LRRC75A: variants seen among roughly 807,000 people sequenced by gnomAD.
The protein encoded by LRRC75A is leucine rich repeat containing 75A, also known as leucine-rich repeat-containing protein 75A.
Under a neutral mutation model 26.0 loss-of-function variants are expected in LRRC75A, and 12 were observed. That is an observed-to-expected ratio of 0.46 (90% CI 0.30 to 0.75). The LOEUF (loss-of-function observed/expected upper bound fraction) is 0.75, where lower values mean the gene tolerates loss of function less well. Ranked by LOEUF, LRRC75A falls within the 30% of genes least tolerant of loss-of-function variation. The pLI, the probability that LRRC75A is intolerant of heterozygous loss-of-function variation, is 0.08. For synonymous variants in LRRC75A, 223 were observed against 219.3 expected (o/e 1.02, Z -0.15); for missense variants, 410 against 486.6 (o/e 0.84, Z 1.48).
intron 1 of LRRC75A, among the ~76,000 whole-genome samples, chr17:16,485,609 G>A (rs2093844448): frequency 6.6e-6 from 1 of 150,906 alleles, no homozygotes. Context: ...GGCAAGAACA[G>A]CCAGGAGGAG....
chr17:16,458,539 C>T (rs1388278032), intron 2 of LRRC75A, among the ~76,000 whole-genome samples: 1 of 151,518 alleles, frequency 6.6e-6, no homozygotes, highest in Non-Finnish European at 1.5e-5. Flanking sequence ...GATCTCAGCT[C>T]ACGGCAACCT....
At chr17:16,472,608 C>T (rs1011488662) in intron 1 of LRRC75A, among the ~76,000 whole-genome samples, 3 of 152,144 alleles carry the variant, frequency 2.0e-5, no homozygotes, top group Non-Finnish European at 4.4e-5. Context: ...AGTGCTAATG[C>T]GCTGGGGCAT....
chr17:16,485,832 C>A (rs2093846020), intron 1 of LRRC75A, among the ~76,000 whole-genome samples: 1 of 152,104 alleles, frequency 6.6e-6, no homozygotes, highest in Non-Finnish European at 1.5e-5. Context: ...CCCTCTGCAT[C>A]CTGATGGAGG....
chr17:16,481,723 C>G (rs937216461), intron 1 of LRRC75A, among the ~76,000 whole-genome samples: 3 of 152,136 alleles, frequency 2.0e-5, no homozygotes, highest in African/African-American at 7.2e-5. Flanking sequence ...CCTGTCTGTG[C>G]TTGTCCTCAT....
Position 16,447,868 on chromosome 17 carries a change from C to G in LRRC75A, c.468G>C (p.Leu156=). 6.5e-7 allele frequency: 1 copy of G among 1,548,488 alleles called. No homozygotes were observed. Among genetic ancestry groups the G allele is most frequent in the Non-Finnish European group, 8.7e-7 (1 of 1,145,926 alleles). The change falls in exon 3 of 4, where the codon CTG becomes CTC. Residue 156 remains leucine, a synonymous_variant. Coordinates refer to ENST00000470794, the MANE Select transcript of LRRC75A (RefSeq NM_001113567.3). ...ACCAGGCCTGTGGCTTCCTTTTCAC[C>G]AGCCCCCGGTGCCGCCTCCACTGGG... ...PHSQWRRHRG[L]VKRKPQACLK...
chr17:16,459,023 A>G (rs777600808), intron 2 of LRRC75A, among the ~76,000 whole-genome samples: 21 of 152,200 alleles, frequency 1.4e-4, no homozygotes, highest in African/African-American at 5.1e-4. Context: ...CTGTGAAACA[A>G]CTTCCTACTA....
chr17:16,470,729 CCA>C, intron 1 of LRRC75A, among the ~76,000 whole-genome samples: 1 of 152,120 alleles, frequency 6.6e-6, no homozygotes, highest in Non-Finnish European at 1.5e-5. Context: ...CTGGGACATC[CCA>C]GAGTTAAGGA....
intron 1 of LRRC75A, among the ~76,000 whole-genome samples, chr17:16,473,129 CTGTG>C (rs10640541): frequency 0.015 from 2,204 of 149,030 alleles, 64 homozygotes; most frequent in African/African-American, 0.051. Flanking sequence ...TGTAAGTAGT[CTGTG>C]TGTGTGTGTG....
In LRRC75A at chr17:16,465,457, A is replaced by G. The variant is rs116110409; in HGVS notation, c.247-3071T>C. Among the ~76,000 whole-genome samples the G allele has an allele frequency of 6.2e-3, 942 of 152,332 alleles. 8 individuals carry two copies. Among genetic ancestry groups the G allele is most frequent in the African/African-American group, 0.021 (892 of 41,570 alleles). ...ACGGTCAGGGGCTGCGGTAGACGAGAGAGGTGAGAGGAACCAGCAGGGCTG... is the reference window on the plus strand; with the variant it reads ...ACGGTCAGGGGCTGCGGTAGACGAGGGAGGTGAGAGGAACCAGCAGGGCTG... On this transcript the variant is annotated intron_variant, in intron 1 of 3. Coordinates refer to ENST00000470794, the MANE Select transcript of LRRC75A (RefSeq NM_001113567.3).
At chr17:16,451,482 G>A (rs575524466) in intron 2 of LRRC75A, among the ~76,000 whole-genome samples, 416 of 152,064 alleles carry the variant, frequency 2.7e-3, no homozygotes, top group Admixed American at 5.2e-3. Context: ...TTAGCTGGGC[G>A]TGACGGCGGG....
At chr17:16,467,309 G>T (rs180691508) in intron 1 of LRRC75A, among the ~76,000 whole-genome samples, 3 of 152,246 alleles carry the variant, frequency 2.0e-5, no homozygotes, top group African/African-American at 7.2e-5. Context: ...GTGAGGCACT[G>T]TAAGGAGCTG....
rs547193138 is a variant in LRRC75A at position 16,476,954 on chromosome 17, G to GA, written c.247-14569_247-14568insT. ...GGGGTTTCACCGTGTTAGCCAGGAT[G>GA]GTCTCAATCTCCTGACCTTGTGATC... is the stretch of plus-strand genomic sequence containing the variant. On this transcript the variant is annotated intron_variant, in intron 1 of 3. Transcript: ENST00000470794. 4.1e-3 allele frequency among the ~76,000 whole-genome samples: 615 copies of GA among 151,420 alleles called. 3 individuals are homozygous for GA. Among genetic ancestry groups the GA allele is most frequent in the African/African-American group, 0.014 (572 of 41,206 alleles).
At position 16,443,696 on chromosome 17, in the gene LRRC75A, C is replaced by G. The variant is rs753090163; in HGVS notation, c.927G>C (p.Glu309Asp). The change falls in exon 4 of 4, where the codon GAG becomes GAC. Residue 309 changes from glutamate (E) to aspartate (D), a missense_variant. Physicochemically the swap from Glu to Asp is conservative, Grantham distance 45. Transcript: ENST00000470794. ...LELGEGPGSGEEVREGTVGQE... is the reference protein window; with the variant it reads ...LELGEGPGSGDEVREGTVGQE... ...GGCCTACTGTCCCTTCCCGGACCTC[C>G]TCCCCACTGCCTGGGCCCTCACCCA... is the stretch of plus-strand genomic sequence containing the variant. 4 of 1,610,546 alleles carry G rather than the reference C, an allele frequency of 2.5e-6. No individual in the cohort carries two copies. The East Asian group carries it at 8.9e-5, about 36-fold the overall frequency.
At position 16,491,779 on chromosome 17, in the gene LRRC75A, T is replaced by C; in HGVS notation, c.212A>G (p.Glu71Gly). ...LLRMVRQGRR[E>G]EAGTLLQHLR... is the part of the protein sequence containing the mutation. ...GTGCTGCAGCAGCGTCCCCGCCTCC[T>C]CCCGCCGGCCCTGGCGCACCATCCG... The change falls in exon 1 of 4, where the codon GAG (glutamate) becomes GGG (glycine). Residue 71 changes from glutamate to glycine, a missense_variant. Glu to Gly is a moderately conservative substitution (Grantham distance 98). Transcript: ENST00000470794. The surrounding 1 kb of genome is among the most constrained non-coding windows in gnomAD (Gnocchi z 5.9). The C allele has an allele frequency of 7.0e-7, 1 of 1,422,056 alleles. No homozygotes were observed. The allele number at this position is 1,422,056 out of a possible 1,614,324, so 88.1% of individuals were successfully genotyped here.
chr17:16,469,238 G>GT (rs1169165191), intron 1 of LRRC75A, among the ~76,000 whole-genome samples: 2 of 152,154 alleles, frequency 1.3e-5, no homozygotes, highest in South Asian at 2.1e-4. Context: ...AAGAAGGATT[G>GT]TAAGTCGCCT....
At chr17:16,480,047 C>T (rs1049085044) in intron 1 of LRRC75A, among the ~76,000 whole-genome samples, 1 of 152,164 alleles carries the variant, frequency 6.6e-6, no homozygotes, top group Non-Finnish European at 1.5e-5. Flanking sequence ...GTAACCTGCA[C>T]ACGTGAGGGA....
intron 1 of LRRC75A, among the ~76,000 whole-genome samples, chr17:16,490,305 T>C (rs947756591): frequency 6.6e-6 from 1 of 152,186 alleles, no homozygotes; most frequent in African/African-American, 2.4e-5. Flanking sequence ...AAACCCAATA[T>C]TCTGTTTAAA....
chr17:16,469,327 CA>C (rs2093792838), intron 1 of LRRC75A, among the ~76,000 whole-genome samples: 1 of 152,184 alleles, frequency 6.6e-6, no homozygotes, highest in South Asian at 2.1e-4. Flanking sequence ...TCTTTTCCAT[CA>C]CAGCTTGGCC....
At position 16,443,702 on chromosome 17, in the gene LRRC75A, A is replaced by T. The variant is rs1368176146; in HGVS notation, c.921T>A (p.Ser307Arg). The T allele has an allele frequency of 1.6e-5, 26 of 1,611,498 alleles. No homozygotes were observed. The highest frequency in any genetic ancestry group is 2.0e-5 in the Non-Finnish European group (23 of 1,179,000). ...CTGTCCCTTCCCGGACCTCCTCCCC[A>T]CTGCCTGGGCCCTCACCCAGCTCCA... ...TILELGEGPGSGEEVREGTVG... is the reference protein window; with the variant it reads ...TILELGEGPGRGEEVREGTVG... The change falls in exon 4 of 4, where the codon AGT becomes AGA. Residue 307 changes from serine to arginine, a missense_variant. Physicochemically the swap from Ser to Arg is moderately radical, Grantham distance 110. Transcript: ENST00000470794.
Sources: gnomAD v4.1 joint callset for allele counts (sites outside exome capture counted in the v4.1 genomes callset) on GRCh38, gnomAD v4.1.1 for gene constraint, Gnocchi (gnomAD v3.1) non-coding constraint, MANE v1.5 for transcripts, NCBI Gene and HGNC (gene_info 2026-07-23, HGNC 2026-07-21) for gene names.